The following PJA2 variants were observed in gnomAD, a reference collection of about 807,000 sequenced individuals.
PJA2 encodes praja ring finger ubiquitin ligase 2, also known as E3 ubiquitin-protein ligase Praja-2.
Under a neutral mutation model 69.3 loss-of-function variants are expected in PJA2, and 25 were observed. The ratio of observed to expected loss-of-function variants is 0.36; its 90% CI spans 0.26 to 0.50. PJA2 has a LOEUF of 0.50. Among genes scored for constraint, PJA2 ranks in the 20% least tolerant of loss-of-function variants. The pLI, the probability that PJA2 is intolerant of heterozygous loss-of-function variation, is 0.96. For synonymous variants in PJA2, 308 were observed against 277.8 expected (o/e 1.11, Z -1.08); for missense variants, 809 against 830.2 (o/e 0.97, Z 0.31).
intron 4 of PJA2, among the ~76,000 whole-genome samples, chr5:109,369,694 G>A (rs1762643209): frequency 1.3e-5 from 2 of 152,100 alleles, no homozygotes; most frequent in Admixed American, 6.6e-5. Context: ...AAGCAGTACT[G>A]GCAAAACTTT....
chr5:109,378,975 T>C lies in PJA2; in HGVS notation c.512A>G (p.Asp171Gly). 1 of 1,614,188 alleles carries C rather than the reference T, an allele frequency of 6.2e-7. No individual in the cohort carries two copies. The highest frequency in any genetic ancestry group is 8.5e-7 in the Non-Finnish European group (1 of 1,180,024). ...ALVHTDSYDP[D>G]GKHGEDNDHL... ...GTCATTATCTTCTCCATGTTTGCCA[T>C]CTGGATCATAAGAGTCTGTATGAAC... The change falls in exon 4 of 10, where the codon GAT becomes GGT. Residue 171 changes from aspartate to glycine, a missense_variant. Around this residue, in one of 4 missense-constraint regions of PJA2, gnomAD observed 700 missense variants for 639.5 expected, o/e 1.09. Transcript: ENST00000361189.
At position 109,406,884 on chromosome 5, in the gene PJA2, A is replaced by T. The variant is rs541274016; in HGVS notation, c.-88+2958T>A. Among the ~76,000 whole-genome samples, 3 of 152,326 alleles carry T rather than the reference A, an allele frequency of 2.0e-5. No individual in the cohort carries two copies. The East Asian group carries it at 5.8e-4, about 29-fold the overall frequency. On this transcript the variant is annotated intron_variant, in intron 1 of 9. Coordinates refer to ENST00000361189, the MANE Select transcript of PJA2 (RefSeq NM_014819.5). Reference sequence around the variant, plus strand: ...AAATGAGAACCCGTTAAATACAGAAAAACATGGATAATCCTGAAAAACATG... The same window carrying T: ...AAATGAGAACCCGTTAAATACAGAATAACATGGATAATCCTGAAAAACATG...
At chr5:109,359,130 G>A (rs1454567251) in intron 6 of PJA2, among the ~76,000 whole-genome samples, 1 of 152,042 alleles carries the variant, frequency 6.6e-6, no homozygotes, top group East Asian at 1.9e-4. Context: ...TCTTTATGAT[G>A]ATCTACTTCC....
intron 6 of PJA2, among the ~76,000 whole-genome samples, chr5:109,361,985 C>G (rs544663934): frequency 6.6e-6 from 1 of 152,128 alleles, no homozygotes; most frequent in African/African-American, 2.4e-5. Context: ...GTTCTGGAAA[C>G]CTGAAGAGAT....
intron 9 of PJA2, among the ~76,000 whole-genome samples, chr5:109,337,932 C>T (rs1379761478): frequency 6.6e-6 from 1 of 152,088 alleles, no homozygotes; most frequent in African/African-American, 2.4e-5. Context: ...TAAGCCATGA[C>T]ATTTCTTTCC....
At chr5:109,407,663 T>C (rs1365038141) in intron 1 of PJA2, among the ~76,000 whole-genome samples, 2 of 152,006 alleles carry the variant, frequency 1.3e-5, no homozygotes, top group Non-Finnish European at 2.9e-5. Flanking sequence ...AATAAAATAA[T>C]CTGATACATG....
chr5:109,375,159 T>G (rs1746832747), intron 4 of PJA2, among the ~76,000 whole-genome samples: 1 of 152,206 alleles, frequency 6.6e-6, no homozygotes, highest in South Asian at 2.1e-4. Context: ...TAAAATACTT[T>G]TCTACTTAAA....
intron 1 of PJA2, among the ~76,000 whole-genome samples, chr5:109,402,458 T>C (rs1346123117): frequency 1.3e-5 from 2 of 152,150 alleles, no homozygotes; most frequent in African/African-American, 4.8e-5. Flanking sequence ...TATATAATGA[T>C]TAAGGGGTTC....
intron 1 of PJA2, among the ~76,000 whole-genome samples, chr5:109,392,469 G>A (rs1051585567): frequency 6.7e-6 from 1 of 149,950 alleles, no homozygotes; most frequent in Non-Finnish European, 1.5e-5. Context: ...GCTGAGGCAG[G>A]AGAATCACTT....
At chr5:109,402,998 T>C (rs180918440) in intron 1 of PJA2, among the ~76,000 whole-genome samples, 1 of 151,530 alleles carries the variant, frequency 6.6e-6, no homozygotes. Context: ...CATAGAGGAA[T>C]TTAAACCCAA....
At chr5:109,356,407 T>C (rs1762413497) in intron 6 of PJA2, among the ~76,000 whole-genome samples, 1 of 152,212 alleles carries the variant, frequency 6.6e-6, no homozygotes, top group South Asian at 2.1e-4. Flanking sequence ...TACATCATAC[T>C]GGCACTCAAA....
At position 109,388,467 on chromosome 5, in the gene PJA2, T is replaced by C. The variant is rs139398541; in HGVS notation, c.-87-4947A>G. Among the ~76,000 whole-genome samples the C allele has an allele frequency of 6.6e-5, 10 of 152,344 alleles. No individual in the cohort carries two copies. The East Asian group carries it at 1.9e-3, about 29-fold the overall frequency. ...TAAATGTCTGAGTTGCTATGTCCAC[T>C]GCAGGACAACAAGTTACTCTACTCT... On this transcript the variant is annotated intron_variant, in intron 1 of 9. Transcript: ENST00000361189.
chr5:109,385,193 A>G (rs1747130235), intron 1 of PJA2, among the ~76,000 whole-genome samples: 1 of 152,250 alleles, frequency 6.6e-6, no homozygotes, highest in Non-Finnish European at 1.5e-5. Context: ...TGTTTTAAGA[A>G]GAATGCTCTG....
rs968351625 is a variant in PJA2, at chr5:109,340,178, A to G, written c.2002-2822T>C. On this transcript the variant is annotated intron_variant, in intron 9 of 9. Coordinates refer to ENST00000361189, the MANE Select transcript of PJA2 (RefSeq NM_014819.5). ...TTGTTAATAAAATAAAAACACCTCT[A>G]ATTTCTAATAATAGCTTTCATCTGA... is the stretch of plus-strand genomic sequence containing the variant. Among the ~76,000 whole-genome samples, 78 of 152,200 alleles carry G rather than the reference A, an allele frequency of 5.1e-4. 1 individual carries two copies. The highest frequency in any genetic ancestry group is 1.6e-3 in the African/African-American group (67 of 41,456).
Position 109,368,622 on chromosome 5 carries a change from C to T in PJA2, c.1408G>A (p.Glu470Lys), listed in dbSNP as rs1256549303. The T allele has an allele frequency of 6.2e-7, 1 of 1,613,968 alleles. No homozygotes were observed. Among genetic ancestry groups the T allele is most frequent in the African/African-American group, 1.3e-5 (1 of 74,904 alleles). Residue 470 changes from glutamate to lysine, a missense_variant, in exon 5 of 10, where the codon GAG (glutamate) becomes AAG (lysine). Glu to Lys is a moderately conservative substitution (Grantham distance 56). Transcript: ENST00000361189. ...TLPGKDENEPELQSDSSGPEE... is the reference protein window; with the variant it reads ...TLPGKDENEPKLQSDSSGPEE... ...GGGCCACTGCTATCACTTTGTAGCT[C>T]AGGTTCATTCTCATCTTTTCCTGGC...
intron 6 of PJA2, among the ~76,000 whole-genome samples, chr5:109,362,589 A>T (rs921446647): frequency 6.6e-6 from 1 of 152,204 alleles, no homozygotes; most frequent in Non-Finnish European, 1.5e-5. Context: ...AAAACTAAAA[A>T]AAAGTATGTA....
chr5:109,340,386 G>T (rs1349890177), intron 9 of PJA2, among the ~76,000 whole-genome samples: 2 of 151,764 alleles, frequency 1.3e-5, no homozygotes, highest in African/African-American at 2.4e-5. Flanking sequence ...AAAGGAAAAG[G>T]AAAGACGGAA....
chr5:109,392,169 G>C (rs1747296140), intron 1 of PJA2, among the ~76,000 whole-genome samples: 1 of 152,154 alleles, frequency 6.6e-6, no homozygotes, highest in Non-Finnish European at 1.5e-5. Context: ...AAGGTACAAA[G>C]AGGTAACTCT....
At chr5:109,408,344 G>T (rs1747737819) in intron 1 of PJA2, among the ~76,000 whole-genome samples, 1 of 152,046 alleles carries the variant, frequency 6.6e-6, no homozygotes, top group Non-Finnish European at 1.5e-5. Context: ...ATAGCAAAAA[G>T]AAACTGCAAT....
Sources: allele counts gnomAD v4.1 joint callset (sites outside exome capture counted in the v4.1 genomes callset), GRCh38; gene constraint gnomAD v4.1.1; regional missense constraint gnomAD v4.1.1; transcripts MANE v1.5; gene names NCBI Gene and HGNC (gene_info 2026-07-23, HGNC 2026-07-21).